Variants in TNS1 observed in about 807,000 individuals in gnomAD.
TNS1 encodes the protein tensin 1.
TNS1 carries 62 observed loss-of-function variants against 168.6 expected under a neutral mutation model. The ratio of observed to expected loss-of-function variants is 0.37; its 90% CI spans 0.30 to 0.45. TNS1 has a LOEUF of 0.45. TNS1 is among the 20% of genes least tolerant of loss of function. TNS1 has a pLI of 1.00. For missense variants in TNS1, 2,240 were observed against 2,339.4 expected, an observed-to-expected ratio of 0.96 and a Z score of 0.88; for synonymous variants, 934 against 933.2, an observed-to-expected ratio of 1.00 and a Z score of -0.02.
At chr2:217,890,461 T>C (rs902681812) in intron 12 of TNS1, 6 of 154,552 alleles carry the variant, frequency 3.9e-5, no homozygotes, top group African/African-American at 1.4e-4. Flanking sequence ...CCCTGCCCTG[T>C]TTCCTGCCTG....
intron 2 of TNS1, chr2:217,979,020 G>T: frequency 2.0e-6 from 1 of 508,494 alleles, no homozygotes; most frequent in Non-Finnish European, 3.5e-6. Context: ...CCCGCGGCCG[G>T]GGAGGCAGGG....
intron 3 of TNS1, among the ~76,000 whole-genome samples, chr2:217,961,258 C>CAGAGAGAG (rs746086984): frequency 1.3e-3 from 178 of 139,874 alleles, no homozygotes; most frequent in Middle Eastern, 0.011. Flanking sequence ...CACACACACA[C>CAGAGAGAG]ACAGAGAGAG....
chr2:217,812,652 GT>G (rs1293783471), intron 27 of TNS1, among the ~76,000 whole-genome samples: 1 of 152,200 alleles, frequency 6.6e-6, no homozygotes, highest in Non-Finnish European at 1.5e-5. Context: ...CAGTCATAAA[GT>G]TACCTAACAA....
chr2:217,940,374 A>T (rs753340434), intron 3 of TNS1, among the ~76,000 whole-genome samples: 6 of 152,164 alleles, frequency 3.9e-5, no homozygotes, highest in Non-Finnish European at 5.9e-5. Context: ...CTGGGGTCAA[A>T]GAGGCTTTTG....
chr2:217,974,531 G>A (rs1029241660), intron 3 of TNS1, among the ~76,000 whole-genome samples: 2 of 152,068 alleles, frequency 1.3e-5, no homozygotes, highest in African/African-American at 2.4e-5. Flanking sequence ...TCAACCTTCC[G>A]ATGGGCAATC....
chr2:217,809,908 A>T lies in TNS1; in HGVS notation c.5188T>A (p.Leu1730Met), dbSNP rs764485737. ...QAISKATSET[L>M]AADPTPAATI... ...GCAGCTGGCGTGGGGTCTGCAGCCA[A>T]CGTCTCAGATGTGGCTTTAGAGATG... The change falls in exon 30 of 33, where the codon TTG becomes ATG. Residue 1730 changes from leucine (L) to methionine (M), a missense_variant. Physicochemically the swap from Leu to Met is conservative, Grantham distance 15. This residue lies in a region of TNS1 where 109 missense variants were observed against 168.1 expected (regional missense o/e 0.65). Coordinates refer to ENST00000682258, the MANE Select transcript of TNS1 (RefSeq NM_001387777.1). 6.2e-7 allele frequency: 1 copy of T among 1,613,702 alleles called. No homozygotes were observed. Among genetic ancestry groups the T allele is most frequent in the Non-Finnish European group, 8.5e-7 (1 of 1,179,688 alleles).
chr2:217,833,845 A>G (rs1944806133), intron 21 of TNS1, among the ~76,000 whole-genome samples: 1 of 152,272 alleles, frequency 6.6e-6, no homozygotes, highest in Non-Finnish European at 1.5e-5. Flanking sequence ...TGAAATGCTA[A>G]TATTTTAGAC....
At chr2:217,849,965 A>G (rs1947241946) in intron 18 of TNS1, 3 of 985,326 alleles carry the variant, frequency 3.0e-6, no homozygotes, top group South Asian at 4.7e-5. Flanking sequence ...AGGATGTGAT[A>G]GAACCATTCA....
chr2:217,805,477 A>ACCACACACACCG (rs1938418416), intron 32 of TNS1, among the ~76,000 whole-genome samples: 1,049 of 33,850 alleles, frequency 0.031, 35 homozygotes, highest in East Asian at 0.069. Flanking sequence ...CACACACACC[A>ACCACACACACCG]CACACACCAC....
intron 18 of TNS1, among the ~76,000 whole-genome samples, chr2:217,856,109 G>A (rs1179167157): frequency 6.6e-6 from 1 of 152,298 alleles, no homozygotes; most frequent in Non-Finnish European, 1.5e-5. Context: ...AAAAGTTAGG[G>A]TGCTGTCTCT....
chr2:217,891,309 C>A (rs1951723319), intron 11 of TNS1, among the ~76,000 whole-genome samples: 1 of 152,212 alleles, frequency 6.6e-6, no homozygotes, highest in African/African-American at 2.4e-5. Context: ...TCAGGTCTAC[C>A]ACTTATGAGC....
At chr2:217,979,004 T>C in intron 2 of TNS1, 1 of 457,584 alleles carries the variant, frequency 2.2e-6, no homozygotes, top group South Asian at 3.0e-5. Flanking sequence ...TGCCCGGGAC[T>C]GAGGACCCGC....
chr2:217,946,778 A>G (rs1192158694), intron 3 of TNS1, among the ~76,000 whole-genome samples: 1 of 152,020 alleles, frequency 6.6e-6, no homozygotes, highest in Non-Finnish European at 1.5e-5. Flanking sequence ...GCACCTGGGT[A>G]TAGAACTATA....
At chr2:217,829,875 A>C in intron 22 of TNS1, 1 of 1,613,866 alleles carries the variant, frequency 6.2e-7, no homozygotes, top group Non-Finnish European at 8.5e-7. Flanking sequence ...CCTTCCCCTC[A>C]TCTTCCTCTG....
At chr2:217,907,289 C>T (rs1418363880) in intron 4 of TNS1, 38 bp from the exon 5 acceptor site, 1 of 702,826 alleles carries the variant, frequency 1.4e-6, no homozygotes, top group East Asian at 2.7e-5. Context: ...GCCCTTAGGG[C>T]AGACATCCCA....
At position 217,893,465 on chromosome 2, in the gene TNS1, G is replaced by A; in HGVS notation, c.691C>T (p.His231Tyr). 6.2e-7 allele frequency: 1 copy of A among 1,610,588 alleles called. No individual in the cohort carries two copies. Among genetic ancestry groups the A allele is most frequent in the Non-Finnish European group, 8.5e-7 (1 of 1,177,462 alleles). ...AMDTWLNADP[H>Y]NVVVLHNKGN... ...TTGTTGTGTAGAACAACGACATTGT[G>A]AGGGTCTGCATTGAGCCATGTGTCC... Residue 231 changes from histidine to tyrosine, a missense_variant, in exon 10 of 33, where the codon CAC (histidine) becomes TAC (tyrosine). Transcript: ENST00000682258.
upstream of TNS1, among the ~76,000 whole-genome samples, chr2:218,012,319 G>C (rs1958713684): frequency 6.6e-6 from 1 of 152,152 alleles, no homozygotes; most frequent in Non-Finnish European, 1.5e-5. Flanking sequence ...AAGAGAGGAG[G>C]ACAACATGAC....
In TNS1 at chr2:217,948,690, C is replaced by T. The variant is rs186683652; in HGVS notation, c.187-28454G>A. 6.6e-6 allele frequency among the ~76,000 whole-genome samples: 1 copy of T among 152,308 alleles called. No individual in the cohort carries two copies. The highest frequency in any genetic ancestry group is 1.5e-5 in the Non-Finnish European group (1 of 68,022). On this transcript the variant is annotated intron_variant, in intron 3 of 32. Coordinates refer to ENST00000682258, the MANE Select transcript of TNS1 (RefSeq NM_001387777.1). The surrounding 1 kb of genome is among the most constrained non-coding windows in gnomAD (Gnocchi z 4.1). ...TTCACGCTGCTGCCCTGAAGCCCCCCATCCTTGCCCTTCCTTCCTAATGTC... is the reference window on the plus strand; with the variant it reads ...TTCACGCTGCTGCCCTGAAGCCCCCTATCCTTGCCCTTCCTTCCTAATGTC...
intron 22 of TNS1, chr2:217,830,230 G>T: frequency 8.7e-7 from 1 of 1,151,162 alleles, no homozygotes; most frequent in Non-Finnish European, 1.2e-6. Flanking sequence ...TGTGCTGGCT[G>T]GTGAGAGGCA....
Sources: gnomAD v4.1 joint callset for allele counts (sites outside exome capture counted in the v4.1 genomes callset) on GRCh38, gnomAD v4.1.1 for gene constraint, gnomAD v4.1.1 regional missense constraint, Gnocchi (gnomAD v3.1) non-coding constraint, MANE v1.5 for transcripts, NCBI Gene and HGNC (gene_info 2026-07-23, HGNC 2026-07-21) for gene names.